Variants in ITK observed in about 807,000 individuals in gnomAD.
The protein encoded by ITK is IL2 inducible T cell kinase.
In ITK, 45 loss-of-function variants were observed where a neutral mutation model predicts 87.6. That is an observed-to-expected ratio of 0.51 (90% CI 0.40 to 0.66). The LOEUF is 0.66. Among genes scored for constraint, ITK ranks in the 30% least tolerant of loss-of-function variants. The probability of loss-of-function intolerance (pLI) is 0.00; values close to 1 mark genes in which losing one functional copy is unlikely to be tolerated. For missense variants in ITK, 605 were observed against 766.3 expected, an observed-to-expected ratio of 0.79 and a Z score of 2.48; for synonymous variants, 303 against 273.6, an observed-to-expected ratio of 1.11 and a Z score of -1.06.
chr5:157,193,421 A>G (rs1753789829), intron 1 of ITK, among the ~76,000 whole-genome samples: 1 of 152,240 alleles, frequency 6.6e-6, no homozygotes, highest in South Asian at 2.1e-4. Flanking sequence ...GAAGTCAGAC[A>G]TTTCATGTGT....
intron 11 of ITK, among the ~76,000 whole-genome samples, chr5:157,242,480 TC>T (rs1754930344): frequency 1.3e-5 from 2 of 151,778 alleles, no homozygotes; most frequent in Non-Finnish European, 2.9e-5. Context: ...GGTCCTGGAG[TC>T]TACTTTTTTT....
intron 1 of ITK, among the ~76,000 whole-genome samples, chr5:157,190,398 C>T (rs57044922): frequency 0.018 from 2,681 of 152,164 alleles, 73 homozygotes; most frequent in African/African-American, 0.062. Context: ...TCATTTGTTC[C>T]GCAAACATTT....
chr5:157,249,094 G>A, intron 16 of ITK, 87 bp downstream of exon 16: 1 of 1,134,152 alleles, frequency 8.8e-7, no homozygotes, highest in Non-Finnish European at 1.3e-6. Context: ...CCTCTCAGAA[G>A]GATGAGGCAG....
At chr5:157,183,728 G>C (rs1026341251) in intron 1 of ITK, among the ~76,000 whole-genome samples, 1 of 152,034 alleles carries the variant, frequency 6.6e-6, no homozygotes. Flanking sequence ...TGAGCTGTTT[G>C]GCCAGTTATT....
intron 6 of ITK, among the ~76,000 whole-genome samples, chr5:157,225,276 A>G (rs1378583303): frequency 6.6e-6 from 1 of 152,170 alleles, no homozygotes; most frequent in Non-Finnish European, 1.5e-5. Flanking sequence ...GATTACAGGC[A>G]TAAGCCACCA....
At chr5:157,227,822 C>CTTTTTTT (rs34428784) in intron 6 of ITK, among the ~76,000 whole-genome samples, 4 of 84,836 alleles carry the variant, frequency 4.7e-5, no homozygotes, top group Admixed American at 1.4e-4. Flanking sequence ...TTACCAATTC[C>CTTTTTTT]TTTTTTTTTT....
chr5:157,213,335 G>A (rs903147508), intron 3 of ITK, among the ~76,000 whole-genome samples: 7 of 152,196 alleles, frequency 4.6e-5, no homozygotes, highest in African/African-American at 1.4e-4. Flanking sequence ...TCAACACGCA[G>A]GAATCATGGA....
chr5:157,188,050 C>T (rs4091219), intron 1 of ITK, among the ~76,000 whole-genome samples: 1 of 152,310 alleles, frequency 6.6e-6, no homozygotes, highest in East Asian at 1.9e-4. Flanking sequence ...ATCCTCCTGC[C>T]TCAGCCTCCA....
At chr5:157,194,761 T>C (rs1227866941) in intron 1 of ITK, among the ~76,000 whole-genome samples, 1 of 152,232 alleles carries the variant, frequency 6.6e-6, no homozygotes, top group African/African-American at 2.4e-5. Flanking sequence ...GGTGGTAATT[T>C]AAAGTTTCCT....
At chr5:157,250,518 G>GT (rs1755120346) in intron 16 of ITK, among the ~76,000 whole-genome samples, 7 of 150,748 alleles carry the variant, frequency 4.6e-5, no homozygotes, top group Admixed American at 4.6e-4. Context: ...GGTTTGTGGG[G>GT]TTTTGTTTTT....
At chr5:157,232,236 G>C (rs750581871) in intron 7 of ITK, 104 bp from the exon 8 acceptor site, 9 of 821,082 alleles carry the variant, frequency 1.1e-5, no homozygotes, top group Admixed American at 2.1e-5. Flanking sequence ...TAAAGCACTG[G>C]TAGAAATAGA....
chr5:157,241,520 T>C (rs1754898020), intron 10 of ITK, 126 bp from the exon 11 acceptor site: 2 of 723,858 alleles, frequency 2.8e-6, no homozygotes, highest in East Asian at 5.4e-5. Flanking sequence ...GGCTTTGGGA[T>C]TTGTTTTCCA....
chr5:157,232,533 C>T, intron 8 of ITK, 139 bp downstream of exon 8: 1 of 463,064 alleles, frequency 2.2e-6, no homozygotes, highest in Non-Finnish European at 4.3e-6. Flanking sequence ...AGTGAGCTAT[C>T]ATTGTACCAC....
chr5:157,185,201 G>A (rs959088222), intron 1 of ITK, among the ~76,000 whole-genome samples: 2 of 151,036 alleles, frequency 1.3e-5, no homozygotes, highest in Non-Finnish European at 2.9e-5. Flanking sequence ...GTGTGATTTT[G>A]TATAAATTAT....
chr5:157,241,497 A>G lies in ITK; in HGVS notation c.986-149A>G, dbSNP rs546349733. 156 of 685,312 alleles carry G rather than the reference A, an allele frequency of 2.3e-4. No homozygotes were observed. The African/African-American group carries it at 2.6e-3, about 11-fold the overall frequency. 42.5% of individuals were successfully genotyped at this position (685,312 alleles called of 1,614,324 possible). A position where few individuals can be genotyped will look rare whatever the true frequency, so the allele number is the denominator to read the frequency against. On this transcript the variant is annotated intron_variant, in intron 10 of 16. Transcript: ENST00000422843. ...TTATGATGTTTTCAAGGAGGATATG[A>G]TATCAATAATTAGGCTTTGGGATTT...
At chr5:157,187,089 T>A (rs1485691238) in intron 1 of ITK, among the ~76,000 whole-genome samples, 2 of 152,242 alleles carry the variant, frequency 1.3e-5, no homozygotes, top group African/African-American at 4.8e-5. Context: ...AAAGCCTCCG[T>A]TTTAAGTGTC....
At chr5:157,209,708 G>T (rs1056815748) in intron 2 of ITK, among the ~76,000 whole-genome samples, 1 of 152,100 alleles carries the variant, frequency 6.6e-6, no homozygotes. Context: ...GAGGCAAAAA[G>T]ATTCAGATTT....
rs1013131703 is a variant in ITK, at chr5:157,180,842, C to T, written c.-136C>T. ...TGGCTGAACGTTGATAGAAAGATAA[C>T]GTTGAAGGCAAGTTGCCCTTGAGCA... On this transcript the variant is annotated 5_prime_UTR_variant, in exon 1 of 17. The change creates a new upstream start codon in the 5' untranslated region. Transcript: ENST00000422843. The T allele has an allele frequency of 2.7e-5, 21 of 775,936 alleles. No individual in the cohort carries two copies. The highest frequency in any genetic ancestry group is 1.6e-4 in the African/African-American group (9 of 58,012). 48.1% of individuals were successfully genotyped at this position (775,936 alleles called of 1,614,324 possible).
intron 1 of ITK, among the ~76,000 whole-genome samples, chr5:157,187,559 A>T (rs1327747192): frequency 1.3e-5 from 2 of 152,176 alleles, no homozygotes; most frequent in Non-Finnish European, 2.9e-5. Flanking sequence ...ACAAGTAACA[A>T]AGACTCCCTG....
Sources: gnomAD v4.1 joint callset for allele counts (sites outside exome capture counted in the v4.1 genomes callset) on GRCh38, gnomAD v4.1.1 for gene constraint, MANE v1.5 for transcripts, NCBI Gene and HGNC (gene_info 2026-07-23, HGNC 2026-07-21) for gene names.